KCNC2: variants seen among roughly 807,000 people sequenced by gnomAD.
KCNC2 encodes potassium voltage-gated channel subfamily C member 2, also known as voltage-gated potassium channel KCNC2.
Under a neutral mutation model 44.5 loss-of-function variants are expected in KCNC2, and 21 were observed. The ratio of observed to expected loss-of-function variants is 0.47; its 90% CI spans 0.33 to 0.68. KCNC2 has a LOEUF of 0.68. KCNC2 is among the 30% of genes least tolerant of loss of function. The pLI, the probability that KCNC2 is intolerant of heterozygous loss-of-function variation, is 0.01. For missense variants in KCNC2, 589 were observed against 826.2 expected (o/e 0.71, Z 3.52); for synonymous variants, 391 against 339.1 (o/e 1.15, Z -1.68).
Position 75,047,332 on chromosome 12 carries a change from C to A in KCNC2, c.1780+821G>T, listed in dbSNP as rs181236775. On this transcript the variant is annotated intron_variant, in intron 4 of 4. Transcript: ENST00000549446. ...AGTTTACCAAAAGGGAATAAAAAAC[C>A]TTTTAGGGAATAGTTTAGACAGTTG... 2.8e-3 allele frequency among the ~76,000 whole-genome samples: 420 copies of A among 151,926 alleles called. 2 individuals are homozygous for A. Among genetic ancestry groups the A allele is most frequent in the Non-Finnish European group, 4.6e-3 (314 of 67,914 alleles).
At chr12:75,074,283 A>C (rs991370950) in intron 2 of KCNC2, among the ~76,000 whole-genome samples, 1 of 138,160 alleles carries the variant, frequency 7.2e-6, no homozygotes, top group Non-Finnish European at 1.5e-5. Flanking sequence ...TGCTGTTGAA[A>C]TTCTGCAAAA....
intron 2 of KCNC2, among the ~76,000 whole-genome samples, chr12:75,171,674 G>A (rs1339518204): frequency 6.6e-6 from 1 of 151,744 alleles, no homozygotes; most frequent in Non-Finnish European, 1.5e-5. Context: ...ACAGTTAGGT[G>A]GAATAAGTTC....
At chr12:75,044,641 G>A (rs1481357299) in intron 4 of KCNC2, 2 of 151,932 alleles carry the variant, frequency 1.3e-5, no homozygotes, top group African/African-American at 4.8e-5. Flanking sequence ...CTCTTACGGG[G>A]TAAAGCTCTC....
rs74316507 is a variant in KCNC2, at chr12:75,071,421, G to A, written c.688-20104C>T. ...ACAATCTTTAATGTAGGCAATTCAG[G>A]AGGAAACCCAACACATTATTTGTAA... On this transcript the variant is annotated intron_variant, in intron 2 of 4. Transcript: ENST00000549446. Among the ~76,000 whole-genome samples the A allele has an allele frequency of 0.01, 1,526 of 152,216 alleles. 99 individuals are homozygous for A. The East Asian group carries it at 0.15, about 15-fold the overall frequency.
At chr12:75,105,326 C>A (rs542454028) in intron 2 of KCNC2, among the ~76,000 whole-genome samples, 2 of 152,044 alleles carry the variant, frequency 1.3e-5, no homozygotes, top group Non-Finnish European at 2.9e-5. Context: ...GTAAGAAGTC[C>A]AGTGTGTCAG....
At chr12:75,113,595 A>G (rs1887419596) in intron 2 of KCNC2, among the ~76,000 whole-genome samples, 1 of 152,182 alleles carries the variant, frequency 6.6e-6, no homozygotes, top group Non-Finnish European at 1.5e-5. Flanking sequence ...CAGCCTCCAT[A>G]CCAACACCTC....
intron 2 of KCNC2, among the ~76,000 whole-genome samples, chr12:75,058,650 T>A (rs1031369257): frequency 6.6e-6 from 1 of 152,090 alleles, no homozygotes; most frequent in Non-Finnish European, 1.5e-5. Flanking sequence ...TCTTACATAG[T>A]GCCACCAATG....
intron 2 of KCNC2, among the ~76,000 whole-genome samples, chr12:75,150,735 A>G (rs1890332261): frequency 1.3e-5 from 2 of 151,954 alleles, no homozygotes; most frequent in South Asian, 2.1e-4. Flanking sequence ...AGTTACATTT[A>G]ATACAAATAT....
At chr12:75,090,742 A>G (rs1250644590) in intron 2 of KCNC2, among the ~76,000 whole-genome samples, 1 of 151,672 alleles carries the variant, frequency 6.6e-6, no homozygotes, top group African/African-American at 2.4e-5. Flanking sequence ...AATTATAATT[A>G]AAGCATGTAG....
chr12:75,075,079 G>C (rs999788700), intron 2 of KCNC2, among the ~76,000 whole-genome samples: 1 of 152,074 alleles, frequency 6.6e-6, no homozygotes, highest in East Asian at 1.9e-4. Context: ...AGAAAAATTA[G>C]ACAAAAATAA....
At chr12:75,152,669 T>A (rs1274549897) in intron 2 of KCNC2, among the ~76,000 whole-genome samples, 1 of 151,946 alleles carries the variant, frequency 6.6e-6, no homozygotes, top group East Asian at 1.9e-4. Context: ...AAATGACTAA[T>A]CGTATGTTCA....
chr12:75,153,398 T>C (rs1271122950), intron 2 of KCNC2, among the ~76,000 whole-genome samples: 2 of 151,870 alleles, frequency 1.3e-5, no homozygotes, highest in African/African-American at 2.4e-5. Flanking sequence ...TTCGGACTTG[T>C]AAGTGGTAGC....
intron 2 of KCNC2, among the ~76,000 whole-genome samples, chr12:75,128,590 A>G (rs796585647): frequency 4.6e-5 from 7 of 152,180 alleles, no homozygotes; most frequent in African/African-American, 1.4e-4. Flanking sequence ...GCCATACCCA[A>G]TCTCCTCTGT....
At chr12:75,147,192 C>A (rs897903273) in intron 2 of KCNC2, among the ~76,000 whole-genome samples, 7 of 151,792 alleles carry the variant, frequency 4.6e-5, no homozygotes. Context: ...GCAATAAAAA[C>A]AATAAGACAC....
intron 2 of KCNC2, among the ~76,000 whole-genome samples, chr12:75,185,921 C>G (rs1399679326): frequency 1.3e-5 from 2 of 151,818 alleles, no homozygotes; most frequent in African/African-American, 4.8e-5. Context: ...TGGCAGGTGC[C>G]TGTAATACCA....
chr12:75,199,044 A>G (rs1477302574), intron 2 of KCNC2, among the ~76,000 whole-genome samples: 1 of 151,890 alleles, frequency 6.6e-6, no homozygotes, highest in Non-Finnish European at 1.5e-5. Flanking sequence ...TGGATAAAAT[A>G]TTGGTGTAAA....
intron 2 of KCNC2, among the ~76,000 whole-genome samples, chr12:75,060,216 C>T (rs1165995941): frequency 6.6e-6 from 1 of 152,014 alleles, no homozygotes; most frequent in African/African-American, 2.4e-5. Flanking sequence ...CCTTTTTCTT[C>T]CCCAACACCT....
intron 2 of KCNC2, among the ~76,000 whole-genome samples, chr12:75,078,840 T>A (rs1431331302): frequency 1.3e-5 from 2 of 152,186 alleles, no homozygotes; most frequent in Non-Finnish European, 2.9e-5. Context: ...TTCAGTGTTT[T>A]GTCACTTAAG....
At chr12:75,154,854 T>C (rs1890648331) in intron 2 of KCNC2, among the ~76,000 whole-genome samples, 1 of 152,028 alleles carries the variant, frequency 6.6e-6, no homozygotes, top group South Asian at 2.1e-4. Context: ...CTTTCTACAA[T>C]AGTTACAACA....
Sources: gnomAD v4.1 joint callset for allele counts (sites outside exome capture counted in the v4.1 genomes callset) on GRCh38, gnomAD v4.1.1 for gene constraint, MANE v1.5 for transcripts, NCBI Gene and HGNC (gene_info 2026-07-23, HGNC 2026-07-21) for gene names.